Variants in DNM2 observed in about 807,000 individuals in gnomAD.
DNM2 encodes the protein dynamin-2.
DNM2 carries 15 observed loss-of-function variants against 99.0 expected under a neutral mutation model. The ratio of observed to expected loss-of-function variants is 0.15; its 90% CI spans 0.10 to 0.23. The LOEUF is 0.23. DNM2 is among the 10% of genes least tolerant of loss of function. The pLI is 1.00. For missense variants in DNM2, 742 were observed against 1,189.4 expected (o/e 0.62, Z 5.53); for synonymous variants, 525 against 481.2 (o/e 1.09, Z -1.19).
chr19:10,807,870 CG>C (rs1254691418), intron 13 of DNM2, among the ~76,000 whole-genome samples: 1 of 149,836 alleles, frequency 6.7e-6, no homozygotes, highest in East Asian at 2.0e-4. Context: ...TGGACGGGCA[CG>C]GTGGCTCACA....
chr19:10,776,964 C>T (rs770168466), intron 4 of DNM2, among the ~76,000 whole-genome samples, 154 bp from the exon 5 acceptor site: 5 of 152,218 alleles, frequency 3.3e-5, no homozygotes, highest in African/African-American at 7.2e-5. Flanking sequence ...TTCGACATGT[C>T]GGAAACTGGG....
chr19:10,761,434 C>T (rs1047164443), intron 2 of DNM2, among the ~76,000 whole-genome samples: 2 of 152,010 alleles, frequency 1.3e-5, no homozygotes, highest in Non-Finnish European at 1.5e-5. Flanking sequence ...ATGAGGTGGG[C>T]GTATATCCCA....
At chr19:10,727,123 C>G (rs2069141157) in intron 1 of DNM2, among the ~76,000 whole-genome samples, 1 of 152,110 alleles carries the variant, frequency 6.6e-6, no homozygotes, top group Non-Finnish European at 1.5e-5. Flanking sequence ...CCATGTGATT[C>G]TTGGTTTGTT....
chr19:10,736,004 T>C (rs1030070737), intron 1 of DNM2, among the ~76,000 whole-genome samples: 3 of 152,188 alleles, frequency 2.0e-5, no homozygotes, highest in African/African-American at 7.2e-5. Flanking sequence ...GCACAGTGGC[T>C]GACGCCTGTA....
chr19:10,760,710 G>A (rs1054859703), intron 2 of DNM2, among the ~76,000 whole-genome samples: 16 of 151,486 alleles, frequency 1.1e-4, no homozygotes, highest in South Asian at 2.1e-4. Context: ...TCCCCAGGCC[G>A]TGCAGTGGTG....
At position 10,772,482 on chromosome 19, in the gene DNM2, A is replaced by G; in HGVS notation, c.239A>G (p.His80Arg). ...ILQLIFSKTE[H>R]AEFLHCKSKK... Reference sequence around the variant, plus strand: ...AGCATCTCTCTTCCCTTTCTAGAACATGCCGAGTTTTTGCACTGCAAGTCC... The same window carrying G: ...AGCATCTCTCTTCCCTTTCTAGAACGTGCCGAGTTTTTGCACTGCAAGTCC... The change falls in exon 3 of 21, where the codon CAT (histidine) becomes CGT (arginine). Residue 80 changes from histidine (H) to arginine (R), a missense_variant. By Grantham distance (29) the His-to-Arg change is conservative (BLOSUM62 0). Around this residue, in one of 7 missense-constraint regions of DNM2, gnomAD observed 192 missense variants for 358.9 expected, o/e 0.54. Coordinates refer to ENST00000389253, the MANE Select transcript of DNM2 (RefSeq NM_001005361.3). The surrounding 1 kb of genome is among the most constrained non-coding windows in gnomAD (Gnocchi z 4.9). The G allele has an allele frequency of 6.2e-7, 1 of 1,614,058 alleles. No individual in the cohort carries two copies. The highest frequency in any genetic ancestry group is 8.5e-7 in the Non-Finnish European group (1 of 1,180,018).
intron 1 of DNM2, among the ~76,000 whole-genome samples, chr19:10,754,590 C>CT (rs2070320375): frequency 6.7e-6 from 1 of 150,166 alleles, no homozygotes; most frequent in Non-Finnish European, 1.5e-5. Context: ...ATTTTCTTGT[C>CT]TTCTTCTTCT....
chr19:10,786,901 T>G (rs1230927013), intron 7 of DNM2, among the ~76,000 whole-genome samples, 195 bp downstream of exon 7: 1 of 152,234 alleles, frequency 6.6e-6, no homozygotes, highest in Non-Finnish European at 1.5e-5. Flanking sequence ...TGTCCGTCCC[T>G]GCCCCTGGAG....
At chr19:10,735,811 G>A (rs2069503181) in intron 1 of DNM2, among the ~76,000 whole-genome samples, 1 of 152,042 alleles carries the variant, frequency 6.6e-6, no homozygotes, top group Non-Finnish European at 1.5e-5. Flanking sequence ...ACTGTGCCCG[G>A]CCTTTTCTGG....
rs994645101 is a variant in DNM2, at chr19:10,817,859, G to A, written c.1672-2121G>A. ...TGCGTGCCGGCAGCACCAGGAAGGC[G>A]GCCACTGATTTCTCGGCGGAATCGC... On this transcript the variant is annotated intron_variant, in intron 15 of 20. Coordinates refer to ENST00000389253, the MANE Select transcript of DNM2 (RefSeq NM_001005361.3). This position sits in a 1 kb window ranked among gnomAD's most constrained non-coding sequence, Gnocchi z 4.6. Among the ~76,000 whole-genome samples, 4 of 151,672 alleles carry A rather than the reference G, an allele frequency of 2.6e-5. No individual in the cohort carries two copies. Among genetic ancestry groups the A allele is most frequent in the Non-Finnish European group, 4.4e-5 (3 of 67,864 alleles).
chr19:10,820,129 A>T lies in DNM2; in HGVS notation c.1781+40A>T. 1 of 1,590,918 alleles carries T rather than the reference A, an allele frequency of 6.3e-7. No homozygotes were observed. Among genetic ancestry groups the T allele is most frequent in the South Asian group, 1.1e-5 (1 of 90,608 alleles). On this transcript the variant is annotated intron_variant, in intron 16 of 20. Transcript: ENST00000389253. The surrounding 1 kb of genome is among the most constrained non-coding windows in gnomAD (Gnocchi z 4.3). ...GGCCTGGGGATGGCTCGGGGTGAAG[A>T]CCAATGGCCTCATTCACACTCCACA...
At chr19:10,771,405 T>G (rs1239284221) in intron 2 of DNM2, among the ~76,000 whole-genome samples, 1 of 152,110 alleles carries the variant, frequency 6.6e-6, no homozygotes, top group Non-Finnish European at 1.5e-5. Flanking sequence ...TTATATACAC[T>G]CAGGGTTATA....
chr19:10,734,007 C>CA (rs1204483868), intron 1 of DNM2, among the ~76,000 whole-genome samples: 12 of 147,014 alleles, frequency 8.2e-5, no homozygotes, highest in African/African-American at 2.8e-4. Context: ...GACTCCATCT[C>CA]AAAAAATAAA....
intron 5 of DNM2, 86 bp from the exon 6 acceptor site, chr19:10,782,874 C>T: frequency 6.3e-7 from 1 of 1,583,510 alleles, no homozygotes; most frequent in Non-Finnish European, 8.7e-7. Context: ...CAGGATCCAT[C>T]TCTATACTTG....
At position 10,831,599 on chromosome 19, in the gene DNM2, C is replaced by T. The variant is rs561728898; in HGVS notation, c.*552C>T. 26 of 986,016 alleles carry T rather than the reference C, an allele frequency of 2.6e-5. 1 individual carries two copies. In the South Asian group the frequency reaches 1.1e-3, roughly 43 times the overall value. 61.1% of individuals were successfully genotyped at this position (986,016 alleles called of 1,614,324 possible). A position where few individuals can be genotyped will look rare whatever the true frequency, so the allele number is the denominator to read the frequency against. On this transcript the variant is annotated 3_prime_UTR_variant, in exon 21 of 21. Transcript: ENST00000389253. The surrounding 1 kb of genome is among the most constrained non-coding windows in gnomAD (Gnocchi z 4.3). ...ATTAACCACACAGCCTGAGCCTGGCCCAGCCTCGGCTGCCAGAGGTGCCTT... is the reference window on the plus strand; with the variant it reads ...ATTAACCACACAGCCTGAGCCTGGCTCAGCCTCGGCTGCCAGAGGTGCCTT...
Position 10,802,321 on chromosome 19 carries a change from A to G in DNM2, c.1456A>G (p.Ile486Val), listed in dbSNP as rs758246840. Residue 486 changes from isoleucine to valine, a missense_variant, in exon 12 of 21, where the codon ATC (isoleucine) becomes GTC (valine). Physicochemically the swap from Ile to Val is conservative, Grantham distance 29. Around this residue, in one of 7 missense-constraint regions of DNM2, gnomAD observed 240 missense variants for 431.3 expected, o/e 0.56. Coordinates refer to ENST00000389253, the MANE Select transcript of DNM2 (RefSeq NM_001005361.3). ...LLLIDIEQSY[I>V]NTNHEDFIGF... Reference sequence around the variant, plus strand: ...GCTGATCGACATTGAGCAGTCCTACATCAACACGAACCATGAGGACTTCAT... The same window carrying G: ...GCTGATCGACATTGAGCAGTCCTACGTCAACACGAACCATGAGGACTTCAT... 85 of 1,613,992 alleles carry G rather than the reference A, an allele frequency of 5.3e-5. No individual in the cohort carries two copies. Among genetic ancestry groups the G allele is most frequent in the Non-Finnish European group, 6.9e-5 (81 of 1,180,018 alleles).
rs570207406 is a variant in DNM2 at position 10,818,402 on chromosome 19, T to A, written c.1672-1578T>A. Among the ~76,000 whole-genome samples, 1 of 152,210 alleles carries A rather than the reference T, an allele frequency of 6.6e-6. No homozygotes were observed. The highest frequency in any genetic ancestry group is 1.5e-5 in the Non-Finnish European group (1 of 68,028). On this transcript the variant is annotated intron_variant, in intron 15 of 20. Coordinates refer to ENST00000389253, the MANE Select transcript of DNM2 (RefSeq NM_001005361.3). The surrounding 1 kb of genome is among the most constrained non-coding windows in gnomAD (Gnocchi z 4.3). ...GTGCTCATGGGCACCAGCTCTGCAG[T>A]GGGCACCAAGCTCCTCCATCCTCCT...
intron 1 of DNM2, among the ~76,000 whole-genome samples, chr19:10,752,887 T>C (rs1443760438): frequency 1.3e-5 from 2 of 152,166 alleles, no homozygotes; most frequent in Non-Finnish European, 2.9e-5. Flanking sequence ...ACGCCTGTAA[T>C]CCCAGCACTT....
chr19:10,738,252 C>T (rs1301447322), intron 1 of DNM2, among the ~76,000 whole-genome samples: 1 of 151,854 alleles, frequency 6.6e-6, no homozygotes, highest in African/African-American at 2.4e-5. Context: ...AGCGAGACTC[C>T]ATCTCAAAAA....
Sources: gnomAD v4.1 joint callset for allele counts (sites outside exome capture counted in the v4.1 genomes callset) on GRCh38, gnomAD v4.1.1 for gene constraint, gnomAD v4.1.1 regional missense constraint, Gnocchi (gnomAD v3.1) non-coding constraint, MANE v1.5 for transcripts, NCBI Gene and HGNC (gene_info 2026-07-23, HGNC 2026-07-21) for gene names.